SHPRH: variants seen among roughly 807,000 people sequenced by gnomAD.
The protein encoded by SHPRH is SNF2 histone linker PHD RING helicase.
SHPRH carries 106 observed loss-of-function variants against 202.5 expected under a neutral mutation model. The observed-to-expected ratio is 0.52, with a 90% CI of 0.45 to 0.62. SHPRH has a LOEUF of 0.62. Ranked by LOEUF, SHPRH falls within the 20% of genes least tolerant of loss-of-function variation. The probability of loss-of-function intolerance (pLI) is 0.00; values close to 1 mark genes in which losing one functional copy is unlikely to be tolerated. For missense variants in SHPRH, 1,710 were observed against 2,020.0 expected (o/e 0.85, Z 2.94); for synonymous variants, 729 against 686.0 (o/e 1.06, Z -0.98).
intron 14 of SHPRH, among the ~76,000 whole-genome samples, chr6:145,929,935 T>C (rs1785259636): frequency 6.6e-6 from 1 of 152,128 alleles, no homozygotes; most frequent in South Asian, 2.1e-4. Context: ...ACGTTTTCAA[T>C]GTGCTTCTAC....
At chr6:145,948,022 A>T (rs1787578844) in intron 5 of SHPRH, among the ~76,000 whole-genome samples, 2 of 152,078 alleles carry the variant, frequency 1.3e-5, no homozygotes, top group South Asian at 4.1e-4. Flanking sequence ...TAACATTTTT[A>T]CTTTAAATAA....
At chr6:145,941,555 C>T (rs1786777542) in intron 10 of SHPRH, 68 bp downstream of exon 10, 1 of 1,583,176 alleles carries the variant, frequency 6.3e-7, no homozygotes, top group East Asian at 2.2e-5. Context: ...TATTAAACTA[C>T]TCAAGGTCCC....
Position 145,941,709 on chromosome 6 carries a change from T to C in SHPRH, c.2404A>G (p.Met802Val), listed in dbSNP as rs746612649. Residue 802 changes from methionine (M) to valine (V), a missense_variant, in exon 10 of 30, where the codon ATG becomes GTG. Met to Val is a conservative substitution (Grantham distance 21). Around this residue, in one of 8 missense-constraint regions of SHPRH, gnomAD observed 277 missense variants for 363.0 expected, o/e 0.76. Transcript: ENST00000275233. ...GRRLRNQKRYMAIPSPLVAVE... is the reference protein window; with the variant it reads ...GRRLRNQKRYVAIPSPLVAVE... ...GCTACCAGGGGGCTCGGGATAGCCA[T>C]ATAGCGCTTCTGGTTCCGTAGGCGA... is the stretch of plus-strand genomic sequence containing the variant. 21 of 1,614,024 alleles carry C rather than the reference T, an allele frequency of 1.3e-5. No homozygotes were observed. Among genetic ancestry groups the C allele is most frequent in the Non-Finnish European group, 1.6e-5 (19 of 1,179,960 alleles).
chr6:145,904,735 C>T (rs1159132419), intron 25 of SHPRH: 1 of 151,944 alleles, frequency 6.6e-6, no homozygotes. Context: ...GTACAATAGT[C>T]TTATGTTTAA....
At chr6:145,922,498 C>T in intron 19 of SHPRH, 150 bp from the exon 20 acceptor site, 2 of 1,242,218 alleles carry the variant, frequency 1.6e-6, no homozygotes, top group Non-Finnish European at 2.2e-6. Context: ...CATACCTTGT[C>T]CTTGAGACTT....
Position 145,947,583 on chromosome 6 carries a change from C to G in SHPRH, c.1122G>C (p.Glu374Asp). ...CCTCCACTGTCTTTCCAAGACCCAT[C>G]TCATCTGCTAAAATTCCACCAAGCA... ...PQLLGGILAD[E>D]MGLGKTVEVL... is the part of the protein sequence containing the mutation. Residue 374 changes from glutamate to aspartate, a missense_variant, in exon 6 of 30, where the codon GAG (glutamate) becomes GAC (aspartate). Physicochemically the swap from Glu to Asp is conservative, Grantham distance 45. This residue lies in a region of SHPRH where 6 missense variants were observed against 20.1 expected (regional missense o/e 0.30). Transcript: ENST00000275233. 6.2e-7 allele frequency: 1 copy of G among 1,612,936 alleles called. No homozygotes were observed. Among genetic ancestry groups the G allele is most frequent in the East Asian group, 2.2e-5 (1 of 44,858 alleles).
intron 21 of SHPRH, 42 bp from the exon 22 acceptor site, chr6:145,919,533 ATTAAAACTGG>A (rs1284201426): frequency 6.3e-7 from 1 of 1,598,468 alleles, no homozygotes; most frequent in Admixed American, 1.7e-5. Flanking sequence ...AAAGCATGTA[ATTAAAACTGG>A]TTAAAACCAC....
Position 145,921,392 on chromosome 6 carries a change from T to C in SHPRH, c.3783A>G (p.Thr1261=), listed in dbSNP as rs538868662. 2 of 1,611,976 alleles carry C rather than the reference T, an allele frequency of 1.2e-6. No individual in the cohort carries two copies. The highest frequency in any genetic ancestry group is 4.5e-5 in the East Asian group (2 of 44,736). The change falls in exon 21 of 30, where the codon ACA becomes ACG. Residue 1261 remains threonine, a splice_region_variant and synonymous_variant. Transcript: ENST00000275233. ...TEYESKLFSN[T]VKGQTAIFEE... Reference sequence around the variant, plus strand: ...CAAATATTGCAGTCTGGCCTTTGACTCTGAAAACATACCAGAACAAAACAA... The same window carrying C: ...CAAATATTGCAGTCTGGCCTTTGACCCTGAAAACATACCAGAACAAAACAA...
chr6:145,875,800 G>A (rs766641938), intron 2 of SHPRH, among the ~76,000 whole-genome samples: 3 of 152,164 alleles, frequency 2.0e-5, no homozygotes, highest in Non-Finnish European at 4.4e-5. Context: ...AATTCCAGAT[G>A]CTACAACATT....
chr6:145,920,470 T>C (rs1161850505), intron 21 of SHPRH, among the ~76,000 whole-genome samples: 1 of 152,112 alleles, frequency 6.6e-6, no homozygotes, highest in African/African-American at 2.4e-5. Flanking sequence ...ATTTATGACA[T>C]ATGAACTGAT....
At position 145,950,495 on chromosome 6, in the gene SHPRH, C is replaced by G; in HGVS notation, c.764-13G>C. The G allele has an allele frequency of 6.2e-7, 1 of 1,608,368 alleles. No individual in the cohort carries two copies. The highest frequency in any genetic ancestry group is 8.5e-7 in the Non-Finnish European group (1 of 1,176,006). ...TCTTCCAACACATCTGTACATCACA[C>G]AGCAAATGTACTCAAAAACTGATAG... is the stretch of plus-strand genomic sequence containing the variant. On this transcript the variant is annotated splice_polypyrimidine_tract_variant and intron_variant, in intron 3 of 29. Transcript: ENST00000275233.
Position 145,886,727 on chromosome 6 carries a change from T to G in SHPRH, c.5016A>C (p.Ala1672=), listed in dbSNP as rs751320019. The change falls in exon 30 of 30, where the codon GCA becomes GCC. Residue 1672 remains alanine (A), a synonymous_variant. Coordinates refer to ENST00000275233, the MANE Select transcript of SHPRH (RefSeq NM_001042683.3). ...EASVLTVADL[A]DLFTKETEEL... ...CTTCAGTTTCTTTGGTAAATAGGTC[T>G]GCCAGGTCAGCCACAGTCAAGACAG... is the stretch of plus-strand genomic sequence containing the variant. 7 of 1,613,790 alleles carry G rather than the reference T, an allele frequency of 4.3e-6. No individual in the cohort carries two copies. The East Asian group carries it at 1.6e-4, about 36-fold the overall frequency.
chr6:145,888,603 G>A (rs953500491), intron 28 of SHPRH, among the ~76,000 whole-genome samples: 4 of 152,170 alleles, frequency 2.6e-5, no homozygotes, highest in Admixed American at 2.0e-4. Context: ...CTTCCAGGAT[G>A]TGACCAAGCA....
chr6:145,920,535 G>A (rs1404280780), intron 21 of SHPRH, among the ~76,000 whole-genome samples: 3 of 150,234 alleles, frequency 2.0e-5, no homozygotes, highest in Non-Finnish European at 4.4e-5. Context: ...TAAAAAGCAA[G>A]ACTTTTTAAA....
chr6:145,950,617 C>T (rs182052936), intron 3 of SHPRH, 135 bp from the exon 4 acceptor site: 12 of 695,836 alleles, frequency 1.7e-5, no homozygotes, highest in Non-Finnish European at 2.6e-5. Flanking sequence ...CTGAAAGGCC[C>T]TATCTTTAAT....
chr6:145,895,699 T>G (rs1781953392), intron 25 of SHPRH, among the ~76,000 whole-genome samples: 3 of 152,010 alleles, frequency 2.0e-5, no homozygotes, highest in Non-Finnish European at 4.4e-5. Context: ...TTGGAGATGG[T>G]ATGACAGAGA....
chr6:145,954,479 G>C lies in SHPRH; in HGVS notation c.633+211C>G, dbSNP rs1424783077. 2.0e-5 allele frequency among the ~76,000 whole-genome samples: 3 copies of C among 152,122 alleles called. No individual in the cohort carries two copies. The East Asian group carries it at 5.8e-4, about 29-fold the overall frequency. On this transcript the variant is annotated intron_variant, in intron 2 of 29. Transcript: ENST00000275233. ...ATGATGAGGACCAAAACAAGTCACT[G>C]AAAGTAGAGATGGAAGATCTTGAAA...
At chr6:145,900,092 A>G (rs1161773239) in intron 25 of SHPRH, among the ~76,000 whole-genome samples, 1 of 152,172 alleles carries the variant, frequency 6.6e-6, no homozygotes, top group Non-Finnish European at 1.5e-5. Flanking sequence ...AAAATAGTAA[A>G]GAGGTTTCTC....
chr6:145,894,723 TTTCTCTAAAAATAATTCTATC>T (rs1163923300), intron 26 of SHPRH, among the ~76,000 whole-genome samples, 141 bp downstream of exon 26: 5 of 152,090 alleles, frequency 3.3e-5, no homozygotes, highest in African/African-American at 9.7e-5. Flanking sequence ...CATCATCACA[TTTCTCTAAAAATAATTCTATC>T]TTCTCTAAAA....
Sources: allele counts gnomAD v4.1 joint callset (sites outside exome capture counted in the v4.1 genomes callset), GRCh38; gene constraint gnomAD v4.1.1; regional missense constraint gnomAD v4.1.1; transcripts MANE v1.5; gene names NCBI Gene and HGNC (gene_info 2026-07-23, HGNC 2026-07-21).